The following GNB5 variants were observed in gnomAD, a reference collection of about 807,000 sequenced individuals.
The protein encoded by GNB5 is G protein subunit beta 5.
GNB5 carries 37 observed loss-of-function variants against 55.3 expected under a neutral mutation model. The ratio of observed to expected loss-of-function variants is 0.67; its 90% CI spans 0.51 to 0.88. The LOEUF is 0.88. Ranked by LOEUF, GNB5 falls within the 40% of genes least tolerant of loss-of-function variation. The pLI, the probability that GNB5 is intolerant of heterozygous loss-of-function variation, is 0.00. For missense variants in GNB5, 476 were observed against 515.3 expected, an observed-to-expected ratio of 0.92 and a Z score of 0.74; for synonymous variants, 219 against 198.5, an observed-to-expected ratio of 1.10 and a Z score of -0.87.
At chr15:52,180,445 G>A (rs1232340006) in intron 2 of GNB5, 1 of 152,262 alleles carries the variant, frequency 6.6e-6, no homozygotes, top group Non-Finnish European at 1.5e-5. Flanking sequence ...AACCCTCTTC[G>A]TTTGTTGATC....
At chr15:52,142,455 C>A (rs1359225917) in intron 6 of GNB5, among the ~76,000 whole-genome samples, 2 of 152,092 alleles carry the variant, frequency 1.3e-5, no homozygotes, top group Non-Finnish European at 2.9e-5. Context: ...TCACTGTACA[C>A]CCATAAATTT....
rs2033300064 is a variant in GNB5, at chr15:52,122,606, G to T, written c.*151C>A. ...ATTTCCAGAGGTGACAGTTTTAATA[G>T]TCATATTGGAGACGCTTAGTGACCT... is the stretch of plus-strand genomic sequence containing the variant. On this transcript the variant is annotated 3_prime_UTR_variant, in exon 13 of 13. Coordinates refer to ENST00000261837, the MANE Select transcript of GNB5 (RefSeq NM_016194.4). The T allele has an allele frequency of 1.3e-5, 9 of 680,124 alleles. No homozygotes were observed. In the Admixed American group the frequency reaches 1.7e-4, roughly 12 times the overall value. 42.1% of individuals were successfully genotyped at this position (680,124 alleles called of 1,614,324 possible). A position where few individuals can be genotyped will look rare whatever the true frequency, so the allele number is the denominator to read the frequency against.
chr15:52,178,792 C>A (rs1389205659), intron 3 of GNB5, among the ~76,000 whole-genome samples: 1 of 152,152 alleles, frequency 6.6e-6, no homozygotes, highest in Non-Finnish European at 1.5e-5. Flanking sequence ...CTAGCACGAA[C>A]CCCATTTTTC....
At chr15:52,183,406 G>C (rs953298001) in intron 2 of GNB5, among the ~76,000 whole-genome samples, 1 of 152,120 alleles carries the variant, frequency 6.6e-6, no homozygotes, top group Non-Finnish European at 1.5e-5. Context: ...ACAATTTGCA[G>C]GGCCAAGTTA....
chr15:52,187,348 C>A (rs1298007341), intron 1 of GNB5, among the ~76,000 whole-genome samples: 1 of 151,920 alleles, frequency 6.6e-6, no homozygotes, highest in Non-Finnish European at 1.5e-5. Flanking sequence ...ATTTGTGCTT[C>A]CAGAAGTAGG....
At position 52,133,421 on chromosome 15, in the gene GNB5, C is replaced by T. The variant is rs201352368; in HGVS notation, c.820G>A (p.Val274Met). The T allele has an allele frequency of 2.9e-4, 470 of 1,613,000 alleles. 2 individuals are homozygous for T. The highest frequency in any genetic ancestry group is 4.2e-4 in the South Asian group (38 of 91,068). The part of the protein sequence containing the change: ...MVWDMRSGQC[V>M]QAFETHESDI... ...GATTCATGTGTTTCAAAGGCCTGCACGCACTGGCCGGAGCGCATGTCCCAC... is the reference window on the plus strand; with the variant it reads ...GATTCATGTGTTTCAAAGGCCTGCATGCACTGGCCGGAGCGCATGTCCCAC... The change falls in exon 9 of 13, where the codon GTG (valine) becomes ATG (methionine). Residue 274 changes from valine to methionine, a missense_variant. Val to Met is a conservative substitution (Grantham distance 21). Transcript: ENST00000261837.
chr15:52,139,635 C>A, intron 7 of GNB5: 1 of 294,732 alleles, frequency 3.4e-6, no homozygotes, highest in South Asian at 3.3e-5. Context: ...GAAATTCAAA[C>A]GCTGTCTAGG....
chr15:52,163,548 C>A (rs1436875042), intron 3 of GNB5, among the ~76,000 whole-genome samples: 1 of 152,208 alleles, frequency 6.6e-6, no homozygotes, highest in African/African-American at 2.4e-5. Context: ...TCCTGGCCTG[C>A]CAGCTCCTGG....
intron 9 of GNB5, among the ~76,000 whole-genome samples, chr15:52,132,294 C>A (rs73402869): frequency 0.035 from 5,259 of 152,242 alleles, 316 homozygotes; most frequent in African/African-American, 0.12. Context: ...AACTTGTTAA[C>A]TTGTAGGTAG....
At chr15:52,190,493 A>G (rs28663157) in intron 1 of GNB5, among the ~76,000 whole-genome samples, 5,387 of 152,268 alleles carry the variant, frequency 0.035, 337 homozygotes, top group African/African-American at 0.12. Flanking sequence ...GTCAATAAAC[A>G]TATAAAAAGG....
At chr15:52,158,138 G>C (rs777956262) in intron 3 of GNB5, among the ~76,000 whole-genome samples, 1 of 152,104 alleles carries the variant, frequency 6.6e-6, no homozygotes, top group Non-Finnish European at 1.5e-5. Context: ...TGTCTTGTTT[G>C]ATCTTCTTCA....
At chr15:52,132,124 C>T (rs1160836266) in intron 9 of GNB5, among the ~76,000 whole-genome samples, 1 of 151,268 alleles carries the variant, frequency 6.6e-6, no homozygotes, top group African/African-American at 2.4e-5. Context: ...CTGCCAGTGT[C>T]ATTTGGCCCT....
chr15:52,129,165 AGGCTAGT>A (rs1054829994), intron 9 of GNB5, among the ~76,000 whole-genome samples: 3 of 152,094 alleles, frequency 2.0e-5, no homozygotes, highest in Non-Finnish European at 2.9e-5. Flanking sequence ...CATGTTGGTC[AGGCTAGT>A]CTTGAACTCC....
At chr15:52,139,988 AT>A (rs1225990349) in intron 7 of GNB5, 23 of 1,252,656 alleles carry the variant, frequency 1.8e-5, no homozygotes, top group Non-Finnish European at 2.4e-5. Context: ...AAGACATCTC[AT>A]TTTGGCCACT....
At chr15:52,171,962 T>C (rs1566948076) in intron 3 of GNB5, among the ~76,000 whole-genome samples, 1 of 152,216 alleles carries the variant, frequency 6.6e-6, no homozygotes, top group Non-Finnish European at 1.5e-5. Context: ...CTCAAGGACC[T>C]GGGAATTGGA....
chr15:52,172,172 C>CA (rs1424260980), intron 3 of GNB5, among the ~76,000 whole-genome samples: 1 of 152,104 alleles, frequency 6.6e-6, no homozygotes, highest in African/African-American at 2.4e-5. Flanking sequence ...CTTATTCTGT[C>CA]ACACAGGCTT....
At chr15:52,180,288 C>G (rs1596110369) in intron 2 of GNB5, 1 of 155,222 alleles carries the variant, frequency 6.4e-6, no homozygotes, top group Non-Finnish European at 1.4e-5. Context: ...CTCCCATCCC[C>G]AAGCCTCTCG....
chr15:52,149,970 C>A lies in GNB5; in HGVS notation c.376-45G>T, dbSNP rs558133899. On this transcript the variant is annotated intron_variant, in intron 4 of 12. Transcript: ENST00000261837. ...CAGTTTAGGGGTTGTCAAGTTCTTA[C>A]AGATTACTGCTGAGAATTCCTCATA... is the stretch of plus-strand genomic sequence containing the variant. 7.1e-6 allele frequency: 10 copies of A among 1,400,194 alleles called. No homozygotes were observed. The Admixed American group carries it at 1.5e-4, about 21-fold the overall frequency. 86.7% of individuals were successfully genotyped at this position (1,400,194 alleles called of 1,614,324 possible).
In GNB5 at chr15:52,117,070, C is replaced by T. The variant is rs1278085084; in HGVS notation, c.*5687G>A. On this transcript the variant is annotated 3_prime_UTR_variant, in exon 13 of 13. Coordinates refer to ENST00000261837, the MANE Select transcript of GNB5 (RefSeq NM_016194.4). Reference sequence around the variant, plus strand: ...TCCCGAGCAGCTGGGACTACAGGCACCTGCCACCACGCCCAGCTAATATAT... The same window carrying T: ...TCCCGAGCAGCTGGGACTACAGGCATCTGCCACCACGCCCAGCTAATATAT... 3 of 131,782 alleles carry T rather than the reference C, an allele frequency of 2.3e-5. 1 individual carries two copies. Among genetic ancestry groups the T allele is most frequent in the Non-Finnish European group, 4.9e-5 (3 of 61,602 alleles). The allele number at this position is 131,782 out of a possible 1,614,324, so 8.2% of individuals were successfully genotyped here.
Sources: gnomAD v4.1 joint callset for allele counts (sites outside exome capture counted in the v4.1 genomes callset) on GRCh38, gnomAD v4.1.1 for gene constraint, MANE v1.5 for transcripts, NCBI Gene and HGNC (gene_info 2026-07-23, HGNC 2026-07-21) for gene names.